ZNF346: variants seen among roughly 807,000 people sequenced by gnomAD.
ZNF346 encodes zinc finger protein 346.
Under a neutral mutation model 33.7 loss-of-function variants are expected in ZNF346, and 23 were observed. The observed-to-expected ratio is 0.68, with a 90% CI of 0.49 to 0.97. The LOEUF (loss-of-function observed/expected upper bound fraction) is 0.97. Ranked by LOEUF, ZNF346 falls within the 50% of genes least tolerant of loss-of-function variation. The pLI is 0.00. For missense variants in ZNF346, 340 were observed against 371.1 expected, an observed-to-expected ratio of 0.92 and a Z score of 0.69; for synonymous variants, 134 against 142.4, an observed-to-expected ratio of 0.94 and a Z score of 0.42.
intron 1 of ZNF346, among the ~76,000 whole-genome samples, chr5:177,027,037 G>A (rs938985955): frequency 3.3e-5 from 5 of 152,002 alleles, no homozygotes; most frequent in Non-Finnish European, 7.4e-5. Context: ...AAAAAAACTT[G>A]GATTCTTTAG....
intron 5 of ZNF346, among the ~76,000 whole-genome samples, chr5:177,058,508 G>A (rs905270165): frequency 2.6e-5 from 4 of 152,072 alleles, no homozygotes; most frequent in African/African-American, 9.7e-5. Context: ...TAGGCAGAGA[G>A]TCAGGGGTAT....
chr5:177,070,620 T>C (rs769777438), downstream of ZNF346, among the ~76,000 whole-genome samples: 3 of 152,166 alleles, frequency 2.0e-5, no homozygotes, highest in Non-Finnish European at 4.4e-5. Context: ...TATGAAATAA[T>C]AGTGCCTTAC....
intron 3 of ZNF346, among the ~76,000 whole-genome samples, chr5:177,042,570 T>C (rs978020121): frequency 6.6e-6 from 1 of 151,982 alleles, no homozygotes; most frequent in Non-Finnish European, 1.5e-5. Flanking sequence ...TCCTAGTAGA[T>C]GCTCAATAAA....
intron 1 of ZNF346, among the ~76,000 whole-genome samples, chr5:177,031,647 T>C (rs957502607): frequency 1.3e-5 from 2 of 152,122 alleles, no homozygotes; most frequent in African/African-American, 4.8e-5. Context: ...TTTCATCAAA[T>C]ATGGGAGGTT....
At chr5:177,025,903 A>G (rs137882500) in intron 1 of ZNF346, among the ~76,000 whole-genome samples, 230 of 152,106 alleles carry the variant, frequency 1.5e-3, no homozygotes, top group African/African-American at 5.2e-3. Flanking sequence ...TTTTTATCCT[A>G]TGTATTGTGC....
downstream of ZNF346, among the ~76,000 whole-genome samples, chr5:177,070,937 G>T (rs1057075166): frequency 1.3e-5 from 2 of 152,136 alleles, no homozygotes; most frequent in Non-Finnish European, 2.9e-5. Context: ...GGGAAGAAAT[G>T]GAATCATGCA....
At chr5:177,075,208 G>C (rs1783688082) in intron 8 of ZNF346, among the ~76,000 whole-genome samples, 1 of 150,756 alleles carries the variant, frequency 6.6e-6, no homozygotes, top group Non-Finnish European at 1.5e-5. Flanking sequence ...AGACCAGCCT[G>C]GACAACATGG....
At chr5:177,033,705 A>G (rs887865322) in intron 1 of ZNF346, among the ~76,000 whole-genome samples, 1 of 151,926 alleles carries the variant, frequency 6.6e-6, no homozygotes, top group Non-Finnish European at 1.5e-5. Flanking sequence ...TTGTATTTTT[A>G]GTAGAGATGG....
intron 1 of ZNF346, among the ~76,000 whole-genome samples, chr5:177,033,673 G>A (rs190453566): frequency 1.4e-4 from 21 of 152,136 alleles, no homozygotes; most frequent in African/African-American, 4.8e-4. Context: ...ACAGGCACCC[G>A]CCACCACACA....
In ZNF346 at chr5:177,061,974, A is replaced by G. The variant is rs73343962; in HGVS notation, c.704-84A>G. On this transcript the variant is annotated intron_variant, in intron 5 of 6. Coordinates refer to ENST00000358149, the MANE Select transcript of ZNF346 (RefSeq NM_012279.4). ...CTCGCCTCACCTGTCCGTCCTTAGA[A>G]GGGCATTTGTACACTCTGAAAAGCA... 2,041 of 1,204,666 alleles carry G rather than the reference A, an allele frequency of 1.7e-3. 23 individuals carry two copies. The African/African-American group carries it at 0.024, about 14-fold the overall frequency. 74.6% of individuals were successfully genotyped at this position (1,204,666 alleles called of 1,614,324 possible). A position where few individuals can be genotyped will look rare whatever the true frequency, so the allele number is the denominator to read the frequency against.
chr5:177,075,602 G>T (rs1345763788), intron 8 of ZNF346, among the ~76,000 whole-genome samples: 1 of 152,132 alleles, frequency 6.6e-6, no homozygotes, highest in African/African-American at 2.4e-5. Context: ...CTGCAGCCTC[G>T]ATCTCCTGGG....
At chr5:177,039,912 G>A (rs1469876451) in intron 1 of ZNF346, among the ~76,000 whole-genome samples, 1 of 151,840 alleles carries the variant, frequency 6.6e-6, no homozygotes, top group Non-Finnish European at 1.5e-5. Flanking sequence ...CGGGCGCGGT[G>A]GCTCACGCCT....
At chr5:177,048,081 C>T (rs1163358403) in intron 4 of ZNF346, among the ~76,000 whole-genome samples, 1 of 152,020 alleles carries the variant, frequency 6.6e-6, no homozygotes, top group Admixed American at 6.5e-5. Context: ...AATCTCCCCA[C>T]CCCCCACTTT....
intron 8 of ZNF346, among the ~76,000 whole-genome samples, chr5:177,078,240 G>T (rs1783845593): frequency 1.3e-5 from 2 of 152,376 alleles, no homozygotes; most frequent in South Asian, 4.1e-4. Context: ...GGAAAGCGGG[G>T]AGGACAGATA....
At chr5:177,054,075 A>ATT (rs35038931) in intron 5 of ZNF346, among the ~76,000 whole-genome samples, 3 of 143,674 alleles carry the variant, frequency 2.1e-5, no homozygotes, top group African/African-American at 5.1e-5. Flanking sequence ...TACTTCTGGA[A>ATT]TTTTTTTTTT....
chr5:177,046,312 A>C lies in ZNF346; in HGVS notation c.517+1779A>C, dbSNP rs149591445. ...CAAGACCTCGTCTCAAAAAAAAAAA[A>C]AAAAAAACCAATTTTATAAGGTCAC... On this transcript the variant is annotated intron_variant, in intron 4 of 6. Coordinates refer to ENST00000358149, the MANE Select transcript of ZNF346 (RefSeq NM_012279.4). Among the ~76,000 whole-genome samples the C allele has an allele frequency of 7.9e-3, 1,198 of 152,096 alleles. 62 individuals carry two copies. Among genetic ancestry groups the C allele is most frequent in the Admixed American group, 0.072 (1,103 of 15,222 alleles).
In ZNF346 at chr5:177,027,656, CT is replaced by C. The variant is rs201396588; in HGVS notation, c.175+4756del. ...GCCTAAGCTTTTCTTTCTTCCTTTC[CT>C]TTTTTTTTTTTTAAATTCTCTATTT... On this transcript the variant is annotated intron_variant, in intron 1 of 6. Coordinates refer to ENST00000358149, the MANE Select transcript of ZNF346 (RefSeq NM_012279.4). Among the ~76,000 whole-genome samples, 832 of 140,784 alleles carry C rather than the reference CT, an allele frequency of 5.9e-3. 19 individuals are homozygous for C. The highest frequency in any genetic ancestry group is 0.057 in the East Asian group (273 of 4,804). The allele number at this position is 140,784 out of a possible 152,430, so 92.4% of individuals were successfully genotyped here.
At chr5:177,050,714 C>CGTTT (rs1780744373) in intron 4 of ZNF346, 37 bp from the exon 5 acceptor site, 1 of 1,613,584 alleles carries the variant, frequency 6.2e-7, no homozygotes, top group Non-Finnish European at 8.5e-7. Context: ...TCTGTCAAAA[C>CGTTT]GCCTTACAAA....
chr5:177,061,934 G>A (rs1371533840), intron 5 of ZNF346, 124 bp from the exon 6 acceptor site: 2 of 768,290 alleles, frequency 2.6e-6, no homozygotes, highest in African/African-American at 3.5e-5. Flanking sequence ...TTCTCATCAG[G>A]GCCAGCAACC....
Sources: allele counts gnomAD v4.1 joint callset (sites outside exome capture counted in the v4.1 genomes callset), GRCh38; gene constraint gnomAD v4.1.1; transcripts MANE v1.5; gene names NCBI Gene and HGNC (gene_info 2026-07-23, HGNC 2026-07-21).